HCN1: variants seen among roughly 807,000 people sequenced by gnomAD.
The protein encoded by HCN1 is potassium/sodium hyperpolarization-activated cyclic nucleotide-gated channel 1.
In HCN1, 13 loss-of-function variants were observed where a neutral mutation model predicts 78.9. That is an observed-to-expected ratio of 0.16 (90% CI 0.11 to 0.26). The LOEUF (loss-of-function observed/expected upper bound fraction) is 0.26, where lower values mean the gene tolerates loss of function less well. Among genes scored for constraint, HCN1 ranks in the 10% least tolerant of loss-of-function variants. HCN1 has a pLI of 1.00. For synonymous variants in HCN1, 552 were observed against 455.5 expected, an observed-to-expected ratio of 1.21 and a Z score of -2.70; for missense variants, 810 against 1,154.3, an observed-to-expected ratio of 0.70 and a Z score of 4.32.
intron 2 of HCN1, among the ~76,000 whole-genome samples, chr5:45,475,841 T>C (rs556289919): frequency 2.2e-3 from 331 of 152,222 alleles, no homozygotes; most frequent in African/African-American, 7.5e-3. Context: ...AGAAAAACGT[T>C]TTAATACGTC....
intron 2 of HCN1, among the ~76,000 whole-genome samples, chr5:45,585,914 G>C (rs1744207599): frequency 6.6e-6 from 1 of 152,180 alleles, no homozygotes; most frequent in Admixed American, 6.5e-5. Context: ...ACCCAGCCGT[G>C]TGAGGTGTCA....
intron 2 of HCN1, among the ~76,000 whole-genome samples, chr5:45,494,583 G>A (rs1310692436): frequency 1.3e-5 from 2 of 151,850 alleles, no homozygotes; most frequent in Non-Finnish European, 2.9e-5. Flanking sequence ...TTCTTTTGCT[G>A]TGCAGAAGCT....
chr5:45,374,079 C>A lies in HCN1; in HGVS notation c.1231-20833G>T, dbSNP rs187623254. On this transcript the variant is annotated intron_variant, in intron 4 of 7. Transcript: ENST00000303230. ...ATTATATATATAATATATATAATATCTATTACATATATGTATATAATATAT... is the reference window on the plus strand; with the variant it reads ...ATTATATATATAATATATATAATATATATTACATATATGTATATAATATAT... Among the ~76,000 whole-genome samples, 546 of 66,616 alleles carry A rather than the reference C, an allele frequency of 8.2e-3. 8 individuals are homozygous for A. The highest frequency in any genetic ancestry group is 0.029 in the East Asian group (79 of 2,698). The allele number at this position is 66,616 out of a possible 152,430, so 43.7% of individuals were successfully genotyped here.
chr5:45,501,788 C>A (rs1742194725), intron 2 of HCN1, among the ~76,000 whole-genome samples: 1 of 152,006 alleles, frequency 6.6e-6, no homozygotes, highest in Admixed American at 6.6e-5. Flanking sequence ...GCCCCATATG[C>A]CTAGCCTTTG....
chr5:45,308,829 G>A (rs1219192782), intron 5 of HCN1, among the ~76,000 whole-genome samples: 1 of 152,016 alleles, frequency 6.6e-6, no homozygotes, highest in Non-Finnish European at 1.5e-5. Context: ...TTTTTTCTTA[G>A]GATTGTCTTG....
chr5:45,660,518 A>G (rs1336149846), intron 1 of HCN1, among the ~76,000 whole-genome samples: 2 of 151,534 alleles, frequency 1.3e-5, no homozygotes, highest in African/African-American at 4.9e-5. Flanking sequence ...CAAGTTGGAT[A>G]AAGAGTCAAG....
chr5:45,268,245 G>A (rs999990229), intron 6 of HCN1, among the ~76,000 whole-genome samples: 29 of 152,232 alleles, frequency 1.9e-4, no homozygotes, highest in African/African-American at 5.5e-4. Context: ...ACAAACATTT[G>A]CAAATTTGGA....
At chr5:45,333,743 A>G (rs564679103) in intron 5 of HCN1, among the ~76,000 whole-genome samples, 4 of 151,784 alleles carry the variant, frequency 2.6e-5, no homozygotes, top group Admixed American at 1.3e-4. Context: ...TGAAGAGACT[A>G]TCTATTCCCC....
At chr5:45,329,243 C>T (rs1746298919) in intron 5 of HCN1, among the ~76,000 whole-genome samples, 1 of 151,488 alleles carries the variant, frequency 6.6e-6, no homozygotes, top group Admixed American at 6.6e-5. Flanking sequence ...AACTTTGTAA[C>T]CATTAAAGAA....
chr5:45,353,060 A>G (rs1477949066), intron 5 of HCN1, 40 bp downstream of exon 5: 1 of 1,520,888 alleles, frequency 6.6e-7, no homozygotes, highest in Non-Finnish European at 9.1e-7. Context: ...AAAATAAACA[A>G]TGATTATGTA....
intron 3 of HCN1, among the ~76,000 whole-genome samples, chr5:45,416,258 G>T (rs905753200): frequency 6.6e-6 from 1 of 151,678 alleles, no homozygotes; most frequent in Non-Finnish European, 1.5e-5. Context: ...GTTTTCATAC[G>T]TTCATATATC....
At chr5:45,415,341 G>A (rs1285699700) in intron 3 of HCN1, among the ~76,000 whole-genome samples, 1 of 151,872 alleles carries the variant, frequency 6.6e-6, no homozygotes, top group East Asian at 1.9e-4. Flanking sequence ...CCACTCCCAT[G>A]CTTAAAGTTT....
intron 2 of HCN1, among the ~76,000 whole-genome samples, chr5:45,566,648 T>C (rs1322717275): frequency 2.0e-5 from 3 of 151,780 alleles, no homozygotes; most frequent in Non-Finnish European, 4.4e-5. Context: ...GAAAGAAAAA[T>C]AACAATAAAA....
Position 45,258,416 on chromosome 5 carries a change from G to GA in HCN1, c.*3504dup, listed in dbSNP as rs1001793969. The GA allele has an allele frequency of 1.3e-5, 2 of 152,112 alleles. No homozygotes were observed. Among genetic ancestry groups the GA allele is most frequent in the African/African-American group, 4.8e-5 (2 of 41,430 alleles). 9.4% of individuals were successfully genotyped at this position (152,112 alleles called of 1,614,324 possible). A position where few individuals can be genotyped will look rare whatever the true frequency, so the allele number is the denominator to read the frequency against. On this transcript the variant is annotated 3_prime_UTR_variant, in exon 8 of 8. Transcript: ENST00000303230. ...GCAAAATAACCATCTCTTTAAAGTG[G>GA]AACAGCATTCATCAGGGAATTGTTC...
At chr5:45,474,259 A>G (rs1472094979) in intron 2 of HCN1, among the ~76,000 whole-genome samples, 1 of 151,806 alleles carries the variant, frequency 6.6e-6, no homozygotes, top group African/African-American at 2.4e-5. Context: ...CTCACACTCT[A>G]CTTCCCTATT....
At chr5:45,655,438 C>T (rs1185762890) in intron 1 of HCN1, among the ~76,000 whole-genome samples, 1 of 152,038 alleles carries the variant, frequency 6.6e-6, no homozygotes, top group Non-Finnish European at 1.5e-5. Context: ...AACCCAAGAC[C>T]AATTTCTGTA....
chr5:45,324,325 T>G (rs1005096569), intron 5 of HCN1, among the ~76,000 whole-genome samples: 3 of 151,790 alleles, frequency 2.0e-5, no homozygotes, highest in South Asian at 4.1e-4. Flanking sequence ...AACAACCCCA[T>G]CAAAAAGTGG....
intron 3 of HCN1, among the ~76,000 whole-genome samples, chr5:45,460,349 C>T (rs1741121222): frequency 6.6e-6 from 1 of 152,104 alleles, no homozygotes; most frequent in South Asian, 2.1e-4. Flanking sequence ...ACCTTAGATA[C>T]AGAAATTGAA....
intron 2 of HCN1, among the ~76,000 whole-genome samples, chr5:45,639,150 C>A (rs1745409085): frequency 6.6e-6 from 1 of 151,424 alleles, no homozygotes; most frequent in Non-Finnish European, 1.5e-5. Context: ...ACTAGCCAAG[C>A]AAATAGATGA....
Sources: allele counts gnomAD v4.1 joint callset (sites outside exome capture counted in the v4.1 genomes callset), GRCh38; gene constraint gnomAD v4.1.1; transcripts MANE v1.5; gene names NCBI Gene and HGNC (gene_info 2026-07-23, HGNC 2026-07-21).